The following ZMYM4 variants were observed in gnomAD, a reference collection of about 807,000 sequenced individuals.
ZMYM4 encodes the protein zinc finger MYM-type protein 4.
Under a neutral mutation model 183.2 loss-of-function variants are expected in ZMYM4, and 31 were observed. That is an observed-to-expected ratio of 0.17 (90% CI 0.13 to 0.23). The LOEUF (loss-of-function observed/expected upper bound fraction) is 0.23, where lower values mean the gene tolerates loss of function less well. ZMYM4 is among the 10% of genes least tolerant of loss of function. The pLI, the probability that ZMYM4 is intolerant of heterozygous loss-of-function variation, is 1.00. For missense variants in ZMYM4, 1,273 were observed against 1,840.3 expected (o/e 0.69, Z 5.64); for synonymous variants, 592 against 631.2 (o/e 0.94, Z 0.93).
intron 26 of ZMYM4, among the ~76,000 whole-genome samples, chr1:35,411,187 C>CTTTTTTTT (rs1019150941): frequency 1.5e-5 from 2 of 131,444 alleles, no homozygotes; most frequent in Admixed American, 7.6e-5. Flanking sequence ...TTTCTTTTTT[C>CTTTTTTTT]TTTTTTTTTT....
chr1:35,353,702 G>A (rs1309300067), intron 2 of ZMYM4, among the ~76,000 whole-genome samples: 1 of 152,078 alleles, frequency 6.6e-6, no homozygotes, highest in Non-Finnish European at 1.5e-5. Flanking sequence ...TCTTTTATTT[G>A]GTTATATGGA....
chr1:35,413,923 CAT>C (rs754907599), intron 26 of ZMYM4, 47 bp from the exon 27 acceptor site: 3 of 1,100,782 alleles, frequency 2.7e-6, no homozygotes, highest in South Asian at 1.5e-5. Flanking sequence ...TTTAAGAACT[CAT>C]GTTTTCTTTT....
At chr1:35,355,196 GCTT>G (rs1643774493) in intron 2 of ZMYM4, among the ~76,000 whole-genome samples, 1 of 134,374 alleles carries the variant, frequency 7.4e-6, no homozygotes, top group Non-Finnish European at 1.5e-5. Flanking sequence ...ACCACGCCTG[GCTT>G]CTTTTTTTTT....
intron 1 of ZMYM4, among the ~76,000 whole-genome samples, chr1:35,293,300 A>G (rs1434978959): frequency 6.6e-6 from 1 of 151,636 alleles, no homozygotes; most frequent in Non-Finnish European, 1.5e-5. Context: ...CCACCATACC[A>G]TGCCATTAAC....
intron 7 of ZMYM4, among the ~76,000 whole-genome samples, chr1:35,375,827 G>A (rs1308540028): frequency 6.6e-6 from 1 of 152,146 alleles, no homozygotes; most frequent in Non-Finnish European, 1.5e-5. Flanking sequence ...TGTAATCCCA[G>A]CACTTTAGGA....
intron 1 of ZMYM4, among the ~76,000 whole-genome samples, chr1:35,283,498 C>T (rs577522030): frequency 5.3e-5 from 8 of 151,514 alleles, no homozygotes; most frequent in South Asian, 4.2e-4. Flanking sequence ...CCACCACACC[C>T]GGCCAATTTT....
intron 1 of ZMYM4, chr1:35,295,777 A>G (rs1475542969): frequency 6.6e-6 from 1 of 152,234 alleles, no homozygotes; most frequent in African/African-American, 2.4e-5. Flanking sequence ...TCCTCAGTCA[A>G]GAGTCTGGCT....
At chr1:35,370,157 A>G (rs780543393) in intron 6 of ZMYM4, 44 bp downstream of exon 6, 5 of 1,589,600 alleles carry the variant, frequency 3.1e-6, no homozygotes, top group Non-Finnish European at 4.3e-6. Context: ...TGTTCTGACC[A>G]ATATGAATGA....
intron 1 of ZMYM4, among the ~76,000 whole-genome samples, chr1:35,316,860 G>A (rs893035107): frequency 5.9e-5 from 9 of 152,150 alleles, no homozygotes; most frequent in Non-Finnish European, 4.4e-5. Context: ...GGTGGCTCAC[G>A]CCTGTAATCC....
At chr1:35,346,650 C>CAAAAAAAAAAAA (rs746472685) in intron 2 of ZMYM4, among the ~76,000 whole-genome samples, 201 of 53,784 alleles carry the variant, frequency 3.7e-3, no homozygotes, top group Non-Finnish European at 4.6e-3. Flanking sequence ...GACTCCATCT[C>CAAAAAAAAAAAA]AAAAAAAAAA....
In ZMYM4 at chr1:35,389,151, T is replaced by G; in HGVS notation, c.2436+69T>G. 4.8e-6 allele frequency: 7 copies of G among 1,464,690 alleles called. No homozygotes were observed. Among genetic ancestry groups the G allele is most frequent in the Non-Finnish European group, 6.5e-6 (7 of 1,084,712 alleles). 90.7% of individuals were successfully genotyped at this position (1,464,690 alleles called of 1,614,324 possible). On this transcript the variant is annotated intron_variant, in intron 14 of 29. Transcript: ENST00000314607. The surrounding 1 kb of genome is among the most constrained non-coding windows in gnomAD (Gnocchi z 4.0). Reference sequence around the variant, plus strand: ...AATTATTCCCTTTTAAAATTTCATGTCACATAAAGGACAATTTAATTATTT... The same window carrying G: ...AATTATTCCCTTTTAAAATTTCATGGCACATAAAGGACAATTTAATTATTT...
intron 2 of ZMYM4, among the ~76,000 whole-genome samples, chr1:35,326,226 C>A (rs1317800895): frequency 6.6e-6 from 1 of 152,060 alleles, no homozygotes; most frequent in Non-Finnish European, 1.5e-5. Flanking sequence ...CACAAAAACA[C>A]CATCAAACTT....
intron 19 of ZMYM4, 120 bp from the exon 20 acceptor site, chr1:35,397,257 C>A (rs1322041046): frequency 1.7e-6 from 2 of 1,170,782 alleles, no homozygotes. Flanking sequence ...TTTTAATCAT[C>A]AGCAATGAAT....
At chr1:35,407,103 G>T (rs1233219306) in intron 25 of ZMYM4, among the ~76,000 whole-genome samples, 1 of 152,116 alleles carries the variant, frequency 6.6e-6, no homozygotes, top group Non-Finnish European at 1.5e-5. Context: ...TTCATTATTT[G>T]AGGTGTTCTG....
At chr1:35,274,052 T>A (rs557059068) in intron 1 of ZMYM4, among the ~76,000 whole-genome samples, 6 of 152,344 alleles carry the variant, frequency 3.9e-5, no homozygotes, top group African/African-American at 1.4e-4. Context: ...AATAAAATAA[T>A]TGCAAAAGAT....
intron 1 of ZMYM4, among the ~76,000 whole-genome samples, chr1:35,291,781 G>A (rs902045445): frequency 6.6e-6 from 1 of 151,922 alleles, no homozygotes; most frequent in African/African-American, 2.4e-5. Flanking sequence ...GGGATTACAG[G>A]TGCCTGCCAC....
chr1:35,387,154 C>T lies in ZMYM4; in HGVS notation c.1988C>T (p.Ala663Val), dbSNP rs1471772581. Reference sequence around the variant, plus strand: ...CCCACCTCCATCAGTAGCTCTGCTGCAGCTGGTCTCCAGCGTCTCGCTGCC... The same window carrying T: ...CCCACCTCCATCAGTAGCTCTGCTGTAGCTGGTCTCCAGCGTCTCGCTGCC... ...VSPTSISSSA[A>V]AGLQRLAAQS... Residue 663 changes from alanine (A) to valine (V), a missense_variant, in exon 12 of 30, where the codon GCA (alanine) becomes GTA (valine). By Grantham distance (64) the Ala-to-Val change is moderately conservative. Coordinates refer to ENST00000314607, the MANE Select transcript of ZMYM4 (RefSeq NM_005095.3). 2 of 1,614,130 alleles carry T rather than the reference C, an allele frequency of 1.2e-6. No homozygotes were observed. The highest frequency in any genetic ancestry group is 1.7e-6 in the Non-Finnish European group (2 of 1,180,052).
At chr1:35,289,464 A>G (rs1387575088) in intron 1 of ZMYM4, among the ~76,000 whole-genome samples, 2 of 152,200 alleles carry the variant, frequency 1.3e-5, no homozygotes, top group African/African-American at 2.4e-5. Flanking sequence ...TGGTGGCACC[A>G]TTAATTGAGA....
Position 35,385,480 on chromosome 1 carries a change from A to G in ZMYM4, c.1608A>G (p.Ser536=), listed in dbSNP as rs35661574. 24 of 1,613,184 alleles carry G rather than the reference A, an allele frequency of 1.5e-5. No homozygotes were observed. The highest frequency in any genetic ancestry group is 6.6e-5 in the South Asian group (6 of 90,818). ...TTACACCGTGTGCGCTTTGCAAATC[A>G]TTGAGATCCTCAGCAGAAATGATTG... ...AKITPCALCK[S]LRSSAEMIEN... The change falls in exon 10 of 30, where the codon TCA becomes TCG. Residue 536 remains serine, a synonymous_variant. Coordinates refer to ENST00000314607, the MANE Select transcript of ZMYM4 (RefSeq NM_005095.3).
Sources: allele counts gnomAD v4.1 joint callset (sites outside exome capture counted in the v4.1 genomes callset), GRCh38; gene constraint gnomAD v4.1.1; non-coding constraint Gnocchi (gnomAD v3.1); transcripts MANE v1.5; gene names NCBI Gene and HGNC (gene_info 2026-07-23, HGNC 2026-07-21).